Variants in PLCXD3 observed in about 807,000 individuals in gnomAD.
PLCXD3 encodes the protein phosphatidylinositol specific phospholipase C X domain containing 3, also known as PI-PLC X domain-containing protein 3.
PLCXD3 carries 19 observed loss-of-function variants against 25.5 expected under a neutral mutation model. That is an observed-to-expected ratio of 0.75 (90% confidence interval 0.52 to 1.09). The LOEUF (loss-of-function observed/expected upper bound fraction) is 1.09, where lower values mean the gene tolerates loss of function less well. Ranked by LOEUF, PLCXD3 falls within the 50% of genes least tolerant of loss-of-function variation. PLCXD3 has a pLI of 0.00. For synonymous variants in PLCXD3, 174 were observed against 137.6 expected (o/e 1.26, Z -1.85); for missense variants, 411 against 388.1 (o/e 1.06, Z -0.50).
intron 1 of PLCXD3, among the ~76,000 whole-genome samples, chr5:41,464,453 T>C (rs1372063833): frequency 1.3e-5 from 2 of 151,982 alleles, no homozygotes; most frequent in Non-Finnish European, 2.9e-5. Flanking sequence ...ATAAAATTAA[T>C]ATGGGCATTA....
intron 2 of PLCXD3, among the ~76,000 whole-genome samples, chr5:41,343,132 T>C (rs1000049801): frequency 2.0e-5 from 3 of 152,134 alleles, no homozygotes; most frequent in Non-Finnish European, 4.4e-5. Context: ...AAGCATAGGA[T>C]CCTTAGAGCT....
At position 41,456,732 on chromosome 5, in the gene PLCXD3, C is replaced by T. The variant is rs183012406; in HGVS notation, c.103+53692G>A. 3.4e-3 allele frequency among the ~76,000 whole-genome samples: 522 copies of T among 151,924 alleles called. 4 individuals are homozygous for T. The highest frequency in any genetic ancestry group is 5.6e-3 in the Admixed American group (86 of 15,244). ...TAGAAAGGAAATCCTAGAGAGATCC[C>T]TTGTCCCTTCCACCATATGAGGACA... On this transcript the variant is annotated intron_variant, in intron 1 of 2. Coordinates refer to ENST00000377801, the MANE Select transcript of PLCXD3 (RefSeq NM_001005473.3).
At chr5:41,486,746 A>C (rs1023584082) in intron 1 of PLCXD3, among the ~76,000 whole-genome samples, 2 of 152,094 alleles carry the variant, frequency 1.3e-5, no homozygotes, top group Non-Finnish European at 2.9e-5. Flanking sequence ...TTGACTACTA[A>C]CTCTGTGATA....
intron 1 of PLCXD3, among the ~76,000 whole-genome samples, chr5:41,434,828 C>T (rs1197829749): frequency 6.6e-6 from 1 of 152,096 alleles, no homozygotes; most frequent in Non-Finnish European, 1.5e-5. Context: ...TTTCACAGGG[C>T]TGCTATGCTT....
chr5:41,436,911 G>A (rs1747268176), intron 1 of PLCXD3, among the ~76,000 whole-genome samples: 1 of 152,034 alleles, frequency 6.6e-6, no homozygotes, highest in Admixed American at 6.5e-5. Context: ...ATATAGTCAA[G>A]GAAAACATAT....
intron 2 of PLCXD3, among the ~76,000 whole-genome samples, chr5:41,342,953 C>T (rs1455200052): frequency 2.6e-5 from 4 of 152,034 alleles, no homozygotes; most frequent in Non-Finnish European, 5.9e-5. Context: ...TGGATGGGTC[C>T]TAGAAGTCTA....
At chr5:41,496,742 G>A (rs183611394) in intron 1 of PLCXD3, among the ~76,000 whole-genome samples, 14 of 151,292 alleles carry the variant, frequency 9.3e-5, no homozygotes, top group Admixed American at 2.0e-4. Flanking sequence ...ATGTAAAAGC[G>A]TAGGTAACTA....
chr5:41,338,185 C>T (rs1037198497), intron 2 of PLCXD3, among the ~76,000 whole-genome samples: 8 of 152,020 alleles, frequency 5.3e-5, no homozygotes, highest in African/African-American at 1.9e-4. Context: ...AAAAATGTTT[C>T]CTGAATTAAA....
chr5:41,420,752 C>T (rs1343599653), intron 1 of PLCXD3, among the ~76,000 whole-genome samples: 1 of 152,156 alleles, frequency 6.6e-6, no homozygotes, highest in African/African-American at 2.4e-5. Context: ...AACACAGATA[C>T]AAAATGGCGT....
At chr5:41,400,657 G>A (rs1746152678) in intron 1 of PLCXD3, among the ~76,000 whole-genome samples, 2 of 152,138 alleles carry the variant, frequency 1.3e-5, no homozygotes, top group South Asian at 4.1e-4. Flanking sequence ...AACTCACAGA[G>A]ATAGAGAGTA....
At chr5:41,351,454 C>T (rs910127044) in intron 2 of PLCXD3, among the ~76,000 whole-genome samples, 3 of 152,138 alleles carry the variant, frequency 2.0e-5, no homozygotes, top group Non-Finnish European at 4.4e-5. Context: ...ATATGAGGCT[C>T]TCACCTCACT....
At chr5:41,352,662 C>A (rs1346214811) in intron 2 of PLCXD3, among the ~76,000 whole-genome samples, 1 of 152,182 alleles carries the variant, frequency 6.6e-6, no homozygotes, top group African/African-American at 2.4e-5. Flanking sequence ...ATTTTTAAGA[C>A]CTAGTTGTCT....
intron 1 of PLCXD3, among the ~76,000 whole-genome samples, chr5:41,465,993 T>A (rs1206008141): frequency 6.6e-6 from 1 of 152,128 alleles, no homozygotes; most frequent in African/African-American, 2.4e-5. Flanking sequence ...TTTCTCACTT[T>A]ATCCTTTGCA....
chr5:41,389,021 G>T (rs538111295), intron 1 of PLCXD3, among the ~76,000 whole-genome samples: 1 of 151,392 alleles, frequency 6.6e-6, no homozygotes, highest in Non-Finnish European at 1.5e-5. Context: ...AAAATTTATG[G>T]ATAAATATAC....
At chr5:41,364,546 A>G (rs962652532) in intron 2 of PLCXD3, among the ~76,000 whole-genome samples, 2 of 152,210 alleles carry the variant, frequency 1.3e-5, no homozygotes, top group Admixed American at 6.5e-5. Context: ...AAATTAAAGC[A>G]ACTTAAAATG....
rs1283616001 is a variant in PLCXD3 at position 41,312,257 on chromosome 5, G to T, written c.*1360C>A. 2.0e-5 allele frequency: 3 copies of T among 152,416 alleles called. No homozygotes were observed. The highest frequency in any genetic ancestry group is 7.2e-5 in the African/African-American group (3 of 41,396). The allele number at this position is 152,416 out of a possible 1,614,324, so 9.4% of individuals were successfully genotyped here. ...GCCTCTGCCTTAATCTCATCCCTCG[G>T]ATAGGATGAAACTCAGAAGTGAGGA... On this transcript the variant is annotated 3_prime_UTR_variant, in exon 3 of 3. Transcript: ENST00000377801.
intron 2 of PLCXD3, 133 bp downstream of exon 2, chr5:41,381,693 T>G: frequency 1.4e-6 from 1 of 723,584 alleles, no homozygotes; most frequent in Non-Finnish European, 2.2e-6. Context: ...AGAAACCCAA[T>G]TAGTGGTACT....
At chr5:41,320,042 C>A (rs374724849) in intron 2 of PLCXD3, among the ~76,000 whole-genome samples, 1 of 151,916 alleles carries the variant, frequency 6.6e-6, no homozygotes, top group African/African-American at 2.4e-5. Flanking sequence ...TACAACCTAC[C>A]AAGATTGAAC....
At chr5:41,392,599 A>T (rs554812947) in intron 1 of PLCXD3, among the ~76,000 whole-genome samples, 21 of 152,264 alleles carry the variant, frequency 1.4e-4, no homozygotes, top group African/African-American at 5.1e-4. Context: ...AGCTACAAAT[A>T]AGCCCAGATA....
Sources: allele counts gnomAD v4.1 joint callset (sites outside exome capture counted in the v4.1 genomes callset), GRCh38; gene constraint gnomAD v4.1.1; transcripts MANE v1.5; gene names NCBI Gene and HGNC (gene_info 2026-07-23, HGNC 2026-07-21).